The following PKHD1 variants were observed in gnomAD, a reference collection of about 807,000 sequenced individuals.
PKHD1 encodes the protein PKHD1 ciliary IPT domain containing fibrocystin/polyductin.
A neutral mutation model predicts 412.0 loss-of-function variants in PKHD1; 291 were observed. The observed-to-expected ratio is 0.71, with a 90% confidence interval of 0.64 to 0.78. The LOEUF (loss-of-function observed/expected upper bound fraction) is 0.78. Ranked by LOEUF, PKHD1 falls within the 30% of genes least tolerant of loss-of-function variation. The pLI is 0.00. For missense variants in PKHD1, 4,825 were observed against 4,950.7 expected, an observed-to-expected ratio of 0.97 and a Z score of 0.76; for synonymous variants, 1,777 against 1,821.5, an observed-to-expected ratio of 0.98 and a Z score of 0.62.
intron 48 of PKHD1, among the ~76,000 whole-genome samples, chr6:51,864,996 A>G (rs1208185338): frequency 6.6e-6 from 1 of 152,150 alleles, no homozygotes; most frequent in Non-Finnish European, 1.5e-5. Flanking sequence ...GGGACATTTT[A>G]TAATTATGGG....
At chr6:52,019,891 G>T (rs1267763065) in intron 33 of PKHD1, among the ~76,000 whole-genome samples, 5 of 152,174 alleles carry the variant, frequency 3.3e-5, no homozygotes, top group African/African-American at 1.2e-4. Flanking sequence ...GTAAAAATGG[G>T]TGACCTCCAA....
intron 43 of PKHD1, among the ~76,000 whole-genome samples, chr6:51,902,731 T>C (rs905871584): frequency 1.3e-5 from 2 of 152,132 alleles, no homozygotes; most frequent in East Asian, 3.9e-4. Flanking sequence ...GGAAATGAAA[T>C]GGCTTGCCAC....
At chr6:52,085,822 C>T (rs1018898355) in intron 1 of PKHD1, among the ~76,000 whole-genome samples, 4 of 151,960 alleles carry the variant, frequency 2.6e-5, no homozygotes, top group Admixed American at 6.5e-5. Flanking sequence ...CTGGGTTTAC[C>T]TAATCTGAGA....
chr6:51,631,267 G>A (rs1423089210), intron 65 of PKHD1, among the ~76,000 whole-genome samples: 1 of 152,090 alleles, frequency 6.6e-6, no homozygotes, highest in Non-Finnish European at 1.5e-5. Context: ...CTTTAAGAAG[G>A]AAAAACAAAA....
chr6:51,859,025 T>C (rs1773752822), intron 48 of PKHD1, among the ~76,000 whole-genome samples: 1 of 152,186 alleles, frequency 6.6e-6, no homozygotes, highest in Non-Finnish European at 1.5e-5. Flanking sequence ...TGTGCACTAA[T>C]AATGGTCTCT....
chr6:51,706,729 G>A (rs1039811805), intron 60 of PKHD1, among the ~76,000 whole-genome samples: 12 of 152,128 alleles, frequency 7.9e-5, no homozygotes, highest in Admixed American at 2.0e-4. Context: ...CTAGAAAAGT[G>A]TGAATCTGAT....
rs1221171457 is a variant in PKHD1 at position 51,780,462 on chromosome 6, C to A, written c.8441-4541G>T. On this transcript the variant is annotated intron_variant, in intron 53 of 66. Coordinates refer to ENST00000371117, the MANE Select transcript of PKHD1 (RefSeq NM_138694.4). The stretch of plus-strand genomic sequence containing the variant: ...ACATTTGTACTACTTATAACCAACA[C>A]AAGATACATTCCAAAATATATAAAT... Among the ~76,000 whole-genome samples the A allele has an allele frequency of 2.0e-5, 3 of 151,162 alleles. No individual in the cohort carries two copies. In the East Asian group the frequency reaches 5.8e-4, roughly 29 times the overall value.
At chr6:51,688,870 C>A (rs927135449) in intron 60 of PKHD1, among the ~76,000 whole-genome samples, 3 of 151,764 alleles carry the variant, frequency 2.0e-5, no homozygotes, top group Admixed American at 1.3e-4. Flanking sequence ...GCCTACTAAC[C>A]AAAAAAAGCC....
At position 52,054,108 on chromosome 6, in the gene PKHD1, T is replaced by C; in HGVS notation, c.1894A>G (p.Thr632Ala). The C allele has an allele frequency of 1.2e-6, 2 of 1,613,944 alleles. No individual in the cohort carries two copies. Among genetic ancestry groups the C allele is most frequent in the Non-Finnish European group, 1.7e-6 (2 of 1,179,818 alleles). The part of the protein sequence containing the change: ...NKILKMIVSF[T>A]IGFQNMVKNT... Reference sequence around the variant, plus strand: ...TTTACCATGTTTTGAAAGCCGATTGTGAAGGACACAATCATCTTCAGGATC... The same window carrying C: ...TTTACCATGTTTTGAAAGCCGATTGCGAAGGACACAATCATCTTCAGGATC... The change falls in exon 20 of 67, where the codon ACA (threonine) becomes GCA (alanine). Residue 632 changes from threonine to alanine, a missense_variant. Coordinates refer to ENST00000371117, the MANE Select transcript of PKHD1 (RefSeq NM_138694.4).
intron 48 of PKHD1, among the ~76,000 whole-genome samples, chr6:51,860,069 T>G (rs995604927): frequency 2.0e-5 from 3 of 152,226 alleles, no homozygotes; most frequent in Non-Finnish European, 4.4e-5. Flanking sequence ...CCAAGGTTTA[T>G]TAGGGATGCA....
intron 1 of PKHD1, among the ~76,000 whole-genome samples, chr6:52,086,657 AAAAC>A (rs1404641856): frequency 6.6e-6 from 1 of 152,216 alleles, no homozygotes; most frequent in Non-Finnish European, 1.5e-5. Context: ...AAAAGTTGGG[AAAAC>A]AAACAATCTA....
At chr6:51,699,387 A>G (rs1054076043) in intron 60 of PKHD1, among the ~76,000 whole-genome samples, 5 of 152,158 alleles carry the variant, frequency 3.3e-5, no homozygotes, top group Non-Finnish European at 2.9e-5. Context: ...TCTGAGAATC[A>G]TCCAAGTTGT....
chr6:52,049,561 A>G (rs1253998290), intron 22 of PKHD1, among the ~76,000 whole-genome samples: 1 of 152,204 alleles, frequency 6.6e-6, no homozygotes, highest in African/African-American at 2.4e-5. Flanking sequence ...GAAAAATTAA[A>G]AGAACAAATT....
At position 51,748,452 on chromosome 6, in the gene PKHD1, C is replaced by T; in HGVS notation, c.9164G>A (p.Gly3055Asp). The T allele has an allele frequency of 6.2e-7, 1 of 1,613,972 alleles. No individual in the cohort carries two copies. The highest frequency in any genetic ancestry group is 2.2e-5 in the East Asian group (1 of 44,874). Residue 3055 changes from glycine to aspartate, a missense_variant, in exon 58 of 67, where the codon GGT (glycine) becomes GAT (aspartate). Physicochemically the swap from Gly to Asp is moderately conservative, Grantham distance 94 (BLOSUM62 -1). Transcript: ENST00000371117. The part of the protein sequence containing the change: ...GTAGHGIDLE[G>D]QAYTVTNNLV... ...GTTATTAGTGACAGTATAGGCCTGA[C>T]CCTCTAAATCTATGCCATGGCCAGC...
intron 51 of PKHD1, among the ~76,000 whole-genome samples, chr6:51,835,977 G>C (rs1769133055): frequency 6.6e-6 from 1 of 152,178 alleles, no homozygotes; most frequent in African/African-American, 2.4e-5. Flanking sequence ...TTTTGAGTTA[G>C]AAAGATTTCA....
rs774065716 is a variant in PKHD1, at chr6:51,934,152, C to T, written c.6079G>A (p.Val2027Ile). ...SYSTPFFPYG[V>I]KFLAVRNGTL... is the part of the protein sequence containing the mutation. ...CCATTCCTCACAGCCAGGAACTTGA[C>T]TCCATAGGGAAAGAAGGGAGTTGAG... is the stretch of plus-strand genomic sequence containing the variant. Residue 2027 changes from valine (V) to isoleucine (I), a missense_variant, in exon 37 of 67, where the codon GTC (valine) becomes ATC (isoleucine). Coordinates refer to ENST00000371117, the MANE Select transcript of PKHD1 (RefSeq NM_138694.4). The T allele has an allele frequency of 6.2e-7, 1 of 1,614,050 alleles. No individual in the cohort carries two copies. The highest frequency in any genetic ancestry group is 8.5e-7 in the Non-Finnish European group (1 of 1,179,906).
intron 37 of PKHD1, among the ~76,000 whole-genome samples, chr6:51,924,225 T>G (rs1785171629): frequency 6.6e-6 from 1 of 152,170 alleles, no homozygotes; most frequent in African/African-American, 2.4e-5. Flanking sequence ...ATCACAAGCT[T>G]CTGCCTATGT....
intron 36 of PKHD1, among the ~76,000 whole-genome samples, chr6:51,954,609 T>C (rs1275731844): frequency 1.3e-5 from 2 of 152,254 alleles, no homozygotes; most frequent in Middle Eastern, 6.8e-3. Flanking sequence ...TTTTTTATTG[T>C]ATATATTTAA....
intron 60 of PKHD1, among the ~76,000 whole-genome samples, chr6:51,662,467 T>C (rs1156965979): frequency 1.3e-5 from 2 of 151,920 alleles, no homozygotes; most frequent in Non-Finnish European, 2.9e-5. Context: ...AAAATTTTTA[T>C]TTGTCAATTA....
Sources: allele counts gnomAD v4.1 joint callset (sites outside exome capture counted in the v4.1 genomes callset), GRCh38; gene constraint gnomAD v4.1.1; transcripts MANE v1.5; gene names NCBI Gene and HGNC (gene_info 2026-07-23, HGNC 2026-07-21).